PLD5: variants seen among roughly 807,000 people sequenced by gnomAD.
PLD5 encodes the protein inactive phospholipase D5.
Under a neutral mutation model 61.1 loss-of-function variants are expected in PLD5, and 36 were observed. The observed-to-expected ratio is 0.59, with a 90% CI of 0.45 to 0.78. The LOEUF (loss-of-function observed/expected upper bound fraction) is 0.78. Ranked by LOEUF, PLD5 falls within the 30% of genes least tolerant of loss-of-function variation. PLD5 has a pLI of 0.00. For missense variants in PLD5, 515 were observed against 644.4 expected (o/e 0.80, Z 2.17); for synonymous variants, 243 against 242.8 (o/e 1.00, Z -0.01).
intron 1 of PLD5, among the ~76,000 whole-genome samples, chr1:242,429,748 AT>A (rs764917054): frequency 8.5e-5 from 13 of 152,230 alleles, no homozygotes; most frequent in Non-Finnish European, 1.5e-4. Flanking sequence ...TTAAATCACC[AT>A]GAGAATCTGG....
At chr1:242,361,592 T>C (rs1661066865) in intron 1 of PLD5, among the ~76,000 whole-genome samples, 1 of 152,190 alleles carries the variant, frequency 6.6e-6, no homozygotes, top group African/African-American at 2.4e-5. Context: ...AAAATGCTAT[T>C]ACATAGCATC....
chr1:242,466,156 A>G (rs2343119), intron 1 of PLD5, among the ~76,000 whole-genome samples: 96,076 of 152,062 alleles, frequency 0.63, 31,104 homozygotes, highest in African/African-American at 0.76. Context: ...TTTTCTCTGT[A>G]GCACTTTTCT....
At chr1:242,314,858 C>G (rs1419369974) in intron 2 of PLD5, among the ~76,000 whole-genome samples, 1 of 151,716 alleles carries the variant, frequency 6.6e-6, no homozygotes, top group African/African-American at 2.4e-5. Context: ...GCTTTGTTAG[C>G]CCCTATTGTA....
At chr1:242,268,120 C>T (rs1673811556) in intron 3 of PLD5, among the ~76,000 whole-genome samples, 1 of 152,112 alleles carries the variant, frequency 6.6e-6, no homozygotes, top group African/African-American at 2.4e-5. Flanking sequence ...CTTCCACAGA[C>T]AGAATTGACA....
chr1:242,369,837 C>T (rs979764844), intron 1 of PLD5, among the ~76,000 whole-genome samples: 10 of 152,128 alleles, frequency 6.6e-5, no homozygotes, highest in Non-Finnish European at 1.0e-4. Flanking sequence ...ACCACCACCC[C>T]GGGTGGTCTG....
intron 2 of PLD5, among the ~76,000 whole-genome samples, chr1:242,297,940 G>A (rs1441383824): frequency 6.6e-6 from 1 of 152,170 alleles, no homozygotes; most frequent in African/African-American, 2.4e-5. Flanking sequence ...CGCCCGGCCC[G>A]GATTCATGTT....
At position 242,124,608 on chromosome 1, in the gene PLD5, T is replaced by G; in HGVS notation, c.793A>C (p.Arg265=). ...AATGAACTATATAGAGCAAATATCC[T>G]TTGTAAATCTAGGACCAGGCAGCTG... is the stretch of plus-strand genomic sequence containing the variant. ...NCSCLVLDLQ[R]IFALYSSLKF... is the part of the protein sequence containing the mutation. The change falls in exon 6 of 10, where the codon AGG becomes CGG. Residue 265 remains arginine, a synonymous_variant. Coordinates refer to ENST00000536534, the MANE Select transcript of PLD5 (RefSeq NM_001372062.1). 6.2e-6 allele frequency: 10 copies of G among 1,613,998 alleles called. No individual in the cohort carries two copies. Among genetic ancestry groups the G allele is most frequent in the Non-Finnish European group, 7.6e-6 (9 of 1,179,910 alleles).
chr1:242,424,804 G>A (rs921672591), intron 1 of PLD5, among the ~76,000 whole-genome samples: 1 of 152,098 alleles, frequency 6.6e-6, no homozygotes, highest in Non-Finnish European at 1.5e-5. Context: ...AAACCTCAAA[G>A]AGCAAAATGT....
chr1:242,288,674 T>C (rs918531667), intron 2 of PLD5, 144 bp from the exon 3 acceptor site: 337 of 1,415,286 alleles, frequency 2.4e-4, no homozygotes, highest in Non-Finnish European at 3.0e-4. Context: ...ACATATTTTT[T>C]CCACAAAAGT....
intron 1 of PLD5, among the ~76,000 whole-genome samples, chr1:242,472,954 TTTTATTTTCTTA>T (rs756178085): frequency 2.5e-4 from 38 of 152,270 alleles, no homozygotes; most frequent in Middle Eastern, 6.8e-3. Context: ...GAATATTTTA[TTTTATTTTCTTA>T]ATCTCCAAAT....
intron 1 of PLD5, among the ~76,000 whole-genome samples, chr1:242,439,549 G>T (rs1030366988): frequency 3.9e-5 from 6 of 152,156 alleles, no homozygotes; most frequent in African/African-American, 1.4e-4. Flanking sequence ...GCAGCTAGCG[G>T]TCCATAAATA....
At chr1:242,489,833 C>T (rs1010106248) in intron 1 of PLD5, among the ~76,000 whole-genome samples, 1 of 152,214 alleles carries the variant, frequency 6.6e-6, no homozygotes, top group South Asian at 2.1e-4. Flanking sequence ...AAGGAGAGAT[C>T]ATTTCCCGCA....
At chr1:242,145,028 G>A (rs1002866527) in intron 5 of PLD5, among the ~76,000 whole-genome samples, 3 of 152,182 alleles carry the variant, frequency 2.0e-5, no homozygotes, top group Non-Finnish European at 4.4e-5. Context: ...GAACAACTAT[G>A]TTAGGTAGAT....
At chr1:242,097,094 G>T (rs1048341641) in intron 9 of PLD5, among the ~76,000 whole-genome samples, 3 of 152,146 alleles carry the variant, frequency 2.0e-5, no homozygotes, top group African/African-American at 7.2e-5. Flanking sequence ...ATTTTTTATG[G>T]CTGCATAGCA....
intron 2 of PLD5, among the ~76,000 whole-genome samples, chr1:242,294,559 T>C (rs1009952364): frequency 2.0e-5 from 3 of 152,190 alleles, no homozygotes; most frequent in African/African-American, 7.2e-5. Flanking sequence ...GGCATTATTG[T>C]AGAGAACAGT....
chr1:242,254,674 A>C (rs1026360602), intron 4 of PLD5, among the ~76,000 whole-genome samples: 3 of 151,978 alleles, frequency 2.0e-5, no homozygotes, highest in African/African-American at 7.3e-5. Flanking sequence ...CGTCTCAAAC[A>C]ACCACCACCA....
chr1:242,140,187 G>A (rs1664054998), intron 5 of PLD5, among the ~76,000 whole-genome samples: 1 of 152,182 alleles, frequency 6.6e-6, no homozygotes, highest in African/African-American at 2.4e-5. Flanking sequence ...TTTGCAGCAA[G>A]ATCTTCAAAC....
intron 1 of PLD5, among the ~76,000 whole-genome samples, chr1:242,499,325 GAAT>G (rs1668477260): frequency 6.6e-6 from 1 of 152,134 alleles, no homozygotes; most frequent in Non-Finnish European, 1.5e-5. Flanking sequence ...TTGGCAGAAA[GAAT>G]AATAATTGCA....
At chr1:242,184,448 G>A (rs1156798295) in intron 5 of PLD5, among the ~76,000 whole-genome samples, 1 of 152,046 alleles carries the variant, frequency 6.6e-6, no homozygotes, top group Non-Finnish European at 1.5e-5. Flanking sequence ...GCAGTGGCGC[G>A]ATCTCCACCT....
Sources: allele counts gnomAD v4.1 joint callset (sites outside exome capture counted in the v4.1 genomes callset), GRCh38; gene constraint gnomAD v4.1.1; transcripts MANE v1.5; gene names NCBI Gene and HGNC (gene_info 2026-07-23, HGNC 2026-07-21).